ABCA2: variants seen among roughly 807,000 people sequenced by gnomAD.
The protein encoded by ABCA2 is ATP binding cassette subfamily A member 2, also known as ATP-binding cassette sub-family A member 2.
ABCA2 carries 84 observed loss-of-function variants against 262.8 expected under a neutral mutation model. The ratio of observed to expected loss-of-function variants is 0.32; its 90% CI spans 0.27 to 0.38. The LOEUF (loss-of-function observed/expected upper bound fraction) is 0.38. Among genes scored for constraint, ABCA2 ranks in the 10% least tolerant of loss-of-function variants. ABCA2 has a pLI of 1.00. For synonymous variants in ABCA2, 1,696 were observed against 1,502.9 expected (o/e 1.13, Z -2.97); for missense variants, 2,662 against 3,405.9 (o/e 0.78, Z 5.44).
chr9:137,014,603 C>A, intron 26 of ABCA2, 87 bp downstream of exon 26: 1 of 1,525,574 alleles, frequency 6.6e-7, no homozygotes, highest in African/African-American at 1.4e-5. Context: ...GGGTGGCGCC[C>A]CCAGACACCA....
chr9:137,021,890 C>T lies in ABCA2; in HGVS notation c.678+1G>A, dbSNP rs1413371615. 2.5e-6 allele frequency: 4 copies of T among 1,591,070 alleles called. No individual in the cohort carries two copies. The highest frequency in any genetic ancestry group is 1.7e-6 in the Non-Finnish European group (2 of 1,169,376). On this transcript the variant is annotated splice_donor_variant, in intron 7 of 48. Transcript: ENST00000341511. LOFTEE classifies it high-confidence loss of function. The surrounding 1 kb of genome is among the most constrained non-coding windows in gnomAD (Gnocchi z 6.0). ...CCCATCCCACACATGGATGCCCTCACCTCCATCCGGAACAGGGGATTGCCC... is the reference window on the plus strand; with the variant it reads ...CCCATCCCACACATGGATGCCCTCATCTCCATCCGGAACAGGGGATTGCCC...
Position 137,022,390 on chromosome 9 carries a change from C to T in ABCA2, c.528G>A (p.Thr176=), listed in dbSNP as rs769699229. 1.8e-5 allele frequency: 29 copies of T among 1,611,150 alleles called. No homozygotes were observed. Among genetic ancestry groups the T allele is most frequent in the African/African-American group, 1.6e-4 (12 of 74,870 alleles). The change falls in exon 6 of 49, where the codon ACG becomes ACA. Residue 176 remains threonine (T), a synonymous_variant. Coordinates refer to ENST00000341511, the MANE Select transcript of ABCA2 (RefSeq NM_001606.5). ...CACGGGCGGCCAAGAGTGCTTGGGC[C>T]GTGCTATTGGGCAGCGACAAGTTTT... is the stretch of plus-strand genomic sequence containing the variant. ...LTQNLSLPNS[T]AQALLAARVD...
rs1327476240 is a variant in ABCA2, at chr9:137,017,887, A to G, written c.2111T>C (p.Ile704Thr). 3.7e-6 allele frequency: 6 copies of G among 1,612,600 alleles called. No individual in the cohort carries two copies. The highest frequency in any genetic ancestry group is 1.7e-5 in the Admixed American group (1 of 60,020). Residue 704 changes from isoleucine to threonine, a missense_variant, in exon 16 of 49, where the codon ATT becomes ACT. By Grantham distance (89) the Ile-to-Thr change is moderately conservative (BLOSUM62 -1). Transcript: ENST00000341511. ...CYTRDDFLFV[I>T]EHMMPLCMVI... ...CATGCACAGCGGCATCATGTGCTCA[A>G]TGACAAACAGGAAGCTGCGGGGAGG...
At chr9:137,012,456 G>C (rs772882902) in intron 32 of ABCA2, 29 bp downstream of exon 32, 1 of 1,610,092 alleles carries the variant, frequency 6.2e-7, no homozygotes, top group Non-Finnish European at 8.5e-7. Flanking sequence ...GCTACACACA[G>C]CGGGGCCCAG....
chr9:137,022,389 C>A lies in ABCA2; in HGVS notation c.529G>T (p.Ala177Ser), dbSNP rs745495990. The A allele has an allele frequency of 6.2e-7, 1 of 1,611,052 alleles. No individual in the cohort carries two copies. The highest frequency in any genetic ancestry group is 8.5e-7 in the Non-Finnish European group (1 of 1,179,366). The change falls in exon 6 of 49, where the codon GCC (alanine) becomes TCC (serine). Residue 177 changes from alanine to serine, a missense_variant. Ala to Ser is a moderately conservative substitution (Grantham distance 99). Transcript: ENST00000341511. ...ACACGGGCGGCCAAGAGTGCTTGGG[C>A]CGTGCTATTGGGCAGCGACAAGTTT... ...TQNLSLPNST[A>S]QALLAARVDP...
Position 137,021,764 on chromosome 9 carries a change from T to C in ABCA2, c.678+127A>G. 1 of 1,245,152 alleles carries C rather than the reference T, an allele frequency of 8.0e-7. No homozygotes were observed. Among genetic ancestry groups the C allele is most frequent in the Middle Eastern group, 2.4e-4 (1 of 4,176 alleles). 77.1% of individuals were successfully genotyped at this position (1,245,152 alleles called of 1,614,324 possible). Reference sequence around the variant, plus strand: ...ACCCCTCATGCCTGCCATAGACCCCTGGGACCCTCCCCCTCTCCCAGGAGG... The same window carrying C: ...ACCCCTCATGCCTGCCATAGACCCCCGGGACCCTCCCCCTCTCCCAGGAGG... On this transcript the variant is annotated intron_variant, in intron 7 of 48. Coordinates refer to ENST00000341511, the MANE Select transcript of ABCA2 (RefSeq NM_001606.5). This position sits in a 1 kb window ranked among gnomAD's most constrained non-coding sequence, Gnocchi z 6.0.
chr9:137,021,891 C>A lies in ABCA2; in HGVS notation c.678G>T (p.Glu226Asp). ...RLGGNPLFRM[E>D]ELLLAPALLE... Reference sequence around the variant, plus strand: ...CCATCCCACACATGGATGCCCTCACCTCCATCCGGAACAGGGGATTGCCCC... The same window carrying A: ...CCATCCCACACATGGATGCCCTCACATCCATCCGGAACAGGGGATTGCCCC... Residue 226 changes from glutamate (E) to aspartate (D), a missense_variant and splice_region_variant, in exon 7 of 49, where the codon GAG (glutamate) becomes GAT (aspartate). Physicochemically the swap from Glu to Asp is conservative, Grantham distance 45. Around this residue, in one of 12 missense-constraint regions of ABCA2, gnomAD observed 403 missense variants for 375.9 expected, o/e 1.07. Coordinates refer to ENST00000341511, the MANE Select transcript of ABCA2 (RefSeq NM_001606.5). The surrounding 1 kb of genome is among the most constrained non-coding windows in gnomAD (Gnocchi z 6.0). 6.3e-7 allele frequency: 1 copy of A among 1,591,588 alleles called. No homozygotes were observed. The highest frequency in any genetic ancestry group is 8.6e-7 in the Non-Finnish European group (1 of 1,169,492).
Position 137,018,605 on chromosome 9 carries a change from G to A in ABCA2, c.1819+114C>T, listed in dbSNP as rs1456637806. 1.1e-4 allele frequency: 95 copies of A among 879,266 alleles called. No individual in the cohort carries two copies. In the East Asian group the frequency reaches 2.4e-3, roughly 22 times the overall value. 54.5% of individuals were successfully genotyped at this position (879,266 alleles called of 1,614,324 possible). A position where few individuals can be genotyped will look rare whatever the true frequency, so the allele number is the denominator to read the frequency against. On this transcript the variant is annotated intron_variant, in intron 13 of 48. Transcript: ENST00000341511. ...GTGGGGAGGGGAAGTGGCGGGTGAG[G>A]GGGGAAGGCCAGGGCGCGGCCAAGG...
rs1389787810 is a variant in ABCA2, at chr9:137,016,435, A to AAT, written c.2959_2960insAT (p.Leu987HisfsTer23). The AAT allele has an allele frequency of 1.2e-6, 2 of 1,612,696 alleles. No individual in the cohort carries two copies. Among genetic ancestry groups the AAT allele is most frequent in the Non-Finnish European group, 1.7e-6 (2 of 1,179,974 alleles). ...TTTGTCCACGCAGACAACCAGAGGC[A>AAT]GGTGGGTGGGCTCCTCCTCCATGCC... On this transcript the variant is annotated frameshift_variant, in exon 21 of 49. Transcript: ENST00000341511. LOFTEE classifies it high-confidence loss of function.
chr9:137,019,389 T>G lies in ABCA2; in HGVS notation c.1426-83A>C. On this transcript the variant is annotated intron_variant, in intron 10 of 48. Transcript: ENST00000341511. This position sits in a 1 kb window ranked among gnomAD's most constrained non-coding sequence, Gnocchi z 4.4. ...GCTCTCACCCCACTCACCTCCCCAG[T>G]GGCTGGTCCATTGCCAACAACTAAC... The G allele has an allele frequency of 6.7e-7, 1 of 1,500,114 alleles. No individual in the cohort carries two copies. Among genetic ancestry groups the G allele is most frequent in the Non-Finnish European group, 9.0e-7 (1 of 1,106,630 alleles). 92.9% of individuals were successfully genotyped at this position (1,500,114 alleles called of 1,614,324 possible).
chr9:137,013,870 C>T lies in ABCA2; in HGVS notation c.4409G>A (p.Cys1470Tyr). Residue 1470 changes from cysteine to tyrosine, a missense_variant, in exon 28 of 49, where the codon TGC becomes TAC. Cys to Tyr is a radical substitution (Grantham distance 194, BLOSUM62 -2). Transcript: ENST00000341511. ...SQILLPAFFV[C>Y]VAMTVALSVP... Reference sequence around the variant, plus strand: ...GGACAGGGCCACGGTCATGGCCACGCAGACGAAGAAGGCTGGCAGCAAGAT... The same window carrying T: ...GGACAGGGCCACGGTCATGGCCACGTAGACGAAGAAGGCTGGCAGCAAGAT... The T allele has an allele frequency of 2.5e-6, 4 of 1,611,762 alleles. No homozygotes were observed. The South Asian group carries it at 4.4e-5, about 18-fold the overall frequency.
intron 48 of ABCA2, 139 bp downstream of exon 48, chr9:137,008,277 G>A (rs145437834): frequency 7.4e-5 from 74 of 1,002,574 alleles, no homozygotes; most frequent in African/African-American, 4.3e-4. Flanking sequence ...AGTGTCCCTC[G>A]CCCACTCTGC....
At chr9:137,027,542 G>C (rs940776707) in intron 1 of ABCA2, 1 of 152,658 alleles carries the variant, frequency 6.6e-6, no homozygotes, top group South Asian at 2.1e-4. Flanking sequence ...AAGGGTCACG[G>C]ATGTGCCAGG....
rs1235356649 is a variant in ABCA2, at chr9:137,017,566, GCATAA to G, written c.2333_2337del (p.Leu778ProfsTer62). On this transcript the variant is annotated frameshift_variant, in exon 17 of 49. Transcript: ENST00000341511. LOFTEE classifies it high-confidence loss of function. ...AGCCAGATGATGACCACGTGGCTGT[GCATAA>G]GCACCTGGCCGTACTTCAGGATGGC... The G allele has an allele frequency of 6.2e-7, 1 of 1,612,656 alleles. No homozygotes were observed. Among genetic ancestry groups the G allele is most frequent in the South Asian group, 1.1e-5 (1 of 91,090 alleles).
rs200085966 is a variant in ABCA2 at position 137,022,029 on chromosome 9, TGGGGTGTG to T, written c.568-36_568-29del. ...AGGAGGTGTGGGGGAATGGCTCAGATGGGGTGTGGGGGGCGTGGCTCAGATGGTGGGGG... is the reference window on the plus strand; with the variant it reads ...AGGAGGTGTGGGGGAATGGCTCAGATGGGGGCGTGGCTCAGATGGTGGGGG... On this transcript the variant is annotated intron_variant, in intron 6 of 48. Coordinates refer to ENST00000341511, the MANE Select transcript of ABCA2 (RefSeq NM_001606.5). The T allele has an allele frequency of 4.3e-5, 51 of 1,188,210 alleles. 1 individual carries two copies. The East Asian group carries it at 7.4e-4, about 17-fold the overall frequency. The allele number at this position is 1,188,210 out of a possible 1,614,324, so 73.6% of individuals were successfully genotyped here.
Position 137,017,223 on chromosome 9 carries a change from C to G in ABCA2, c.2526G>C (p.Lys842Asn). ...VAIREEVAHD[K>N]ITAFEKCIAS... ...CGATGCACTTCTCGAAGGCCGTGAT[C>G]TTATCATGCGCCACCTCCTCTCGGA... The change falls in exon 18 of 49, where the codon AAG (lysine) becomes AAC (asparagine). Residue 842 changes from lysine to asparagine, a missense_variant. Lys to Asn is a moderately conservative substitution (Grantham distance 94). This residue lies in a region of ABCA2 where 188 missense variants were observed against 343.4 expected (regional missense o/e 0.55). Coordinates refer to ENST00000341511, the MANE Select transcript of ABCA2 (RefSeq NM_001606.5). The G allele has an allele frequency of 6.2e-7, 1 of 1,612,638 alleles. No homozygotes were observed. The highest frequency in any genetic ancestry group is 8.5e-7 in the Non-Finnish European group (1 of 1,179,904).
intron 45 of ABCA2, 100 bp downstream of exon 45, chr9:137,009,270 C>T (rs1830947131): frequency 9.1e-7 from 1 of 1,102,666 alleles, no homozygotes; most frequent in Non-Finnish European, 1.3e-6. Context: ...CCTGGCCCCA[C>T]AGCCCTCACA....
Position 137,011,278 on chromosome 9 carries a change from C to T in ABCA2, c.5831G>A (p.Ser1944Asn), listed in dbSNP as rs746859487. Residue 1944 changes from serine to asparagine, a missense_variant, in exon 38 of 49, where the codon AGC (serine) becomes AAC (asparagine). Physicochemically the swap from Ser to Asn is conservative, Grantham distance 46. Transcript: ENST00000341511. The surrounding 1 kb of genome is among the most constrained non-coding windows in gnomAD (Gnocchi z 8.8). ...DLKVVNSYLK[S>N]CFLIFPNYNL... Reference sequence around the variant, plus strand: ...GTAGTTGGGGAAAATGAGGAAGCAGCTTTTCAGGTAACTGTTGACAACCTT... The same window carrying T: ...GTAGTTGGGGAAAATGAGGAAGCAGTTTTTCAGGTAACTGTTGACAACCTT... 1.2e-6 allele frequency: 2 copies of T among 1,612,496 alleles called. No homozygotes were observed. The highest frequency in any genetic ancestry group is 4.5e-5 in the East Asian group (2 of 44,868).
chr9:137,012,475 C>G lies in ABCA2; in HGVS notation c.5187+10G>C, dbSNP rs1198013294. The G allele has an allele frequency of 6.2e-7, 1 of 1,610,894 alleles. No individual in the cohort carries two copies. The highest frequency in any genetic ancestry group is 8.5e-7 in the Non-Finnish European group (1 of 1,179,588). Reference sequence around the variant, plus strand: ...CACACAGCGGGGCCCAGGCCCGCAGCCTCGCTCACCTGGGCAGCCCTGCGC... The same window carrying G: ...CACACAGCGGGGCCCAGGCCCGCAGGCTCGCTCACCTGGGCAGCCCTGCGC... On this transcript the variant is annotated intron_variant, in intron 32 of 48. Coordinates refer to ENST00000341511, the MANE Select transcript of ABCA2 (RefSeq NM_001606.5).
Sources: allele counts gnomAD v4.1 joint callset, GRCh38; gene constraint gnomAD v4.1.1; regional missense constraint gnomAD v4.1.1; non-coding constraint Gnocchi (gnomAD v3.1); transcripts MANE v1.5; gene names NCBI Gene and HGNC (gene_info 2026-07-23, HGNC 2026-07-21).